ZP3: variants seen among roughly 807,000 people sequenced by gnomAD.
ZP3 encodes zona pellucida glycoprotein 3.
Under a neutral mutation model 35.6 loss-of-function variants are expected in ZP3, and 21 were observed. The ratio of observed to expected loss-of-function variants is 0.59; its 90% CI spans 0.42 to 0.85. The LOEUF is 0.85. Ranked by LOEUF, ZP3 falls within the 40% of genes least tolerant of loss-of-function variation. The probability of loss-of-function intolerance (pLI) is 0.00; values close to 1 mark genes in which losing one functional copy is unlikely to be tolerated. For missense variants in ZP3, 437 were observed against 536.5 expected (o/e 0.81, Z 1.83); for synonymous variants, 207 against 214.5 (o/e 0.96, Z 0.31).
At chr7:76,416,889 T>C (rs1805385557) in intron 1 of ZP3, among the ~76,000 whole-genome samples, 1 of 141,354 alleles carries the variant, frequency 7.1e-6, no homozygotes, top group Non-Finnish European at 1.5e-5. Flanking sequence ...CACATACATA[T>C]ATATACACAT....
intron 1 of ZP3, among the ~76,000 whole-genome samples, chr7:76,413,726 G>A (rs757233135): frequency 6.6e-6 from 1 of 151,860 alleles, no homozygotes; most frequent in Non-Finnish European, 1.5e-5. Context: ...GAGTGTAGTG[G>A]CGTGATCATA....
rs766899317 is a variant in ZP3, at chr7:76,403,347, C to CTTTTTTTTTTTTT, written c.-67+5558_-67+5559insTTTTTTTTTTTTT. On this transcript the variant is annotated intron_variant, in intron 1 of 8. Coordinates refer to the ZP3 transcript ENST00000336517. ...TGATGAAGAAACTGAGACTCCACTT[C>CTTTTTTTTTTTTT]TTTTTTTTGAGACAGAGTCTCGCCC... is the stretch of plus-strand genomic sequence containing the variant. Among the ~76,000 whole-genome samples, 95 of 149,570 alleles carry CTTTTTTTTTTTTT rather than the reference C, an allele frequency of 6.4e-4. 2 individuals are homozygous for CTTTTTTTTTTTTT. Among genetic ancestry groups the CTTTTTTTTTTTTT allele is most frequent in the South Asian group, 1.1e-3 (5 of 4,704 alleles).
intron 1 of ZP3, among the ~76,000 whole-genome samples, chr7:76,427,298 C>T (rs1280934812): frequency 2.6e-5 from 4 of 151,966 alleles, no homozygotes; most frequent in South Asian, 2.1e-4. Flanking sequence ...GGGTGAATCA[C>T]GAGGTCAGGA....
chr7:76,431,848 G>A (rs1243850704), intron 2 of ZP3, among the ~76,000 whole-genome samples: 8 of 150,848 alleles, frequency 5.3e-5, no homozygotes, highest in South Asian at 4.2e-4. Context: ...GCAGTGAGCC[G>A]AGATCGTGCC....
intron 1 of ZP3, among the ~76,000 whole-genome samples, chr7:76,426,907 C>CACACACACACACACACACA (rs57796274): frequency 9.5e-5 from 12 of 126,928 alleles, no homozygotes; most frequent in South Asian, 2.7e-4. Flanking sequence ...CACACACACA[C>CACACACACACACACACACA]AATAGGGTGT....
At chr7:76,425,907 AC>A in intron 1 of ZP3, among the ~76,000 whole-genome samples, 1 of 152,004 alleles carries the variant, frequency 6.6e-6, no homozygotes, top group East Asian at 1.9e-4. Context: ...ACATGGTGAA[AC>A]CCCATCTCTA....
chr7:76,409,419 G>A (rs1219302391), intron 1 of ZP3: 1 of 152,372 alleles, frequency 6.6e-6, no homozygotes, highest in East Asian at 1.9e-4. Context: ...CATACCTGGG[G>A]GAATGTTCTG....
intron 1 of ZP3, chr7:76,400,440 C>T: frequency 1.2e-6 from 2 of 1,607,420 alleles, no homozygotes; most frequent in Non-Finnish European, 1.7e-6. Flanking sequence ...GGGGCCGTGG[C>T]ACGGGCAGTG....
intron 1 of ZP3, chr7:76,428,939 C>T (rs1259765673): frequency 6.5e-6 from 1 of 154,236 alleles, no homozygotes; most frequent in East Asian, 1.9e-4. Context: ...TCCTCAGCCT[C>T]CCAAAGTGCT....
chr7:76,409,464 A>C (rs1805173351), intron 1 of ZP3: 1 of 152,248 alleles, frequency 6.6e-6, no homozygotes, highest in African/African-American at 2.4e-5. Flanking sequence ...AGTCAATCCA[A>C]GATCGAATCA....
chr7:76,433,574 G>C lies in ZP3; in HGVS notation c.640G>C (p.Val214Leu). 1 of 1,614,190 alleles carries C rather than the reference G, an allele frequency of 6.2e-7. No individual in the cohort carries two copies. The change falls in exon 4 of 8, where the codon GTG becomes CTG. Residue 214 changes from valine (V) to leucine (L), a missense_variant. Val to Leu is a conservative substitution (Grantham distance 32). Transcript: ENST00000394857. ...TGSHVPLRLF[V>L]DHCVATPTPD... ...CAGCCACGTGCCACTGCGGTTGTTT[G>C]TGGACCACTGCGTGGCCACACCGAC...
intron 1 of ZP3, among the ~76,000 whole-genome samples, chr7:76,415,158 G>T (rs1025272037): frequency 3.3e-5 from 5 of 151,256 alleles, no homozygotes; most frequent in African/African-American, 1.2e-4. Flanking sequence ...GGCGGATCAC[G>T]TGAGGTCAGG....
chr7:76,400,545 T>C (rs780170759), intron 1 of ZP3: 1 of 1,533,338 alleles, frequency 6.5e-7, no homozygotes, highest in South Asian at 1.2e-5. Context: ...CGTGCATGAC[T>C]TCCAGGCGGC....
chr7:76,426,238 T>G (rs1161210354), intron 1 of ZP3, among the ~76,000 whole-genome samples: 1 of 152,030 alleles, frequency 6.6e-6, no homozygotes, highest in East Asian at 1.9e-4. Flanking sequence ...GACCAAGAAA[T>G]CCAGGCCAGA....
At chr7:76,431,785 G>A (rs1263764082) in intron 2 of ZP3, among the ~76,000 whole-genome samples, 1 of 151,696 alleles carries the variant, frequency 6.6e-6, no homozygotes, top group East Asian at 1.9e-4. Context: ...TGTAGTCCCA[G>A]CTATTTGGGA....
At chr7:76,441,132 T>C (rs1196523985) in intron 7 of ZP3, among the ~76,000 whole-genome samples, 2 of 150,878 alleles carry the variant, frequency 1.3e-5, no homozygotes, top group East Asian at 4.0e-4. Flanking sequence ...GATTGCACCA[T>C]TGTACTCCAG....
intron 1 of ZP3, among the ~76,000 whole-genome samples, chr7:76,404,791 C>T (rs1045428853): frequency 2.0e-5 from 3 of 151,748 alleles, no homozygotes; most frequent in Admixed American, 6.6e-5. Flanking sequence ...AAAATTAGGC[C>T]GGCTGCGGTG....
intron 1 of ZP3, among the ~76,000 whole-genome samples, chr7:76,399,529 T>C (rs1054469711): frequency 1.3e-5 from 2 of 151,692 alleles, no homozygotes; most frequent in African/African-American, 2.4e-5. Context: ...GTGACCCCAA[T>C]AGTCGTTTTT....
chr7:76,398,627 C>A, intron 1 of ZP3: 2 of 1,387,070 alleles, frequency 1.4e-6, no homozygotes, highest in Non-Finnish European at 2.0e-6. Flanking sequence ...TTTACATCTT[C>A]AATTTGTAAT....
Sources: gnomAD v4.1 joint callset for allele counts (sites outside exome capture counted in the v4.1 genomes callset) on GRCh38, gnomAD v4.1.1 for gene constraint, MANE v1.5 for transcripts, NCBI Gene and HGNC (gene_info 2026-07-23, HGNC 2026-07-21) for gene names.